The following RET variants were observed in gnomAD, a reference collection of about 807,000 sequenced individuals.
RET encodes proto-oncogene tyrosine-protein kinase receptor Ret.
A neutral mutation model predicts 118.3 loss-of-function variants in RET; 19 were observed. That is an observed-to-expected ratio of 0.16 (90% CI 0.11 to 0.24). The LOEUF is 0.24. Ranked by LOEUF, RET falls within the 10% of genes least tolerant of loss-of-function variation. The pLI, the probability that RET is intolerant of heterozygous loss-of-function variation, is 1.00. For missense variants in RET, 1,219 were observed against 1,502.1 expected, an observed-to-expected ratio of 0.81 and a Z score of 3.12; for synonymous variants, 597 against 644.1, an observed-to-expected ratio of 0.93 and a Z score of 1.11.
chr10:43,097,999 A>C (rs1242492164), intron 1 of RET, among the ~76,000 whole-genome samples: 1 of 152,024 alleles, frequency 6.6e-6, no homozygotes, highest in Non-Finnish European at 1.5e-5. Flanking sequence ...TCTAGAGTCT[A>C]TTTGCAGGTT....
In RET at chr10:43,078,979, C is replaced by T. The variant is rs1258114039; in HGVS notation, c.73+1648C>T. Among the ~76,000 whole-genome samples the T allele has an allele frequency of 2.0e-5, 3 of 152,312 alleles. No individual in the cohort carries two copies. In the East Asian group the frequency reaches 5.8e-4, roughly 29 times the overall value. ...TTGAAGAGGCTGCAGAGCTCTTTCC[C>T]AGGAGCCACAGCTCCGGAGGTTCGA... is the stretch of plus-strand genomic sequence containing the variant. On this transcript the variant is annotated intron_variant, in intron 1 of 19. Coordinates refer to ENST00000355710, the MANE Select transcript of RET (RefSeq NM_020975.6).
At chr10:43,083,273 C>T (rs376828093) in intron 1 of RET, among the ~76,000 whole-genome samples, 10 of 152,320 alleles carry the variant, frequency 6.6e-5, no homozygotes, top group Admixed American at 3.9e-4. Context: ...CTTGAAAACT[C>T]GTGACCCGGG....
chr10:43,118,557 T>G, intron 13 of RET, 77 bp downstream of exon 13: 1 of 1,071,316 alleles, frequency 9.3e-7, no homozygotes, highest in Non-Finnish European at 1.4e-6. Context: ...TTCTCCCTCT[T>G]TCTCCCTTTC....
intron 11 of RET, among the ~76,000 whole-genome samples, chr10:43,116,272 C>T (rs1396088715): frequency 6.6e-6 from 1 of 152,214 alleles, no homozygotes; most frequent in African/African-American, 2.4e-5. Flanking sequence ...AGGTCCTGGG[C>T]TGGGCCTGGT....
At chr10:43,084,630 C>A (rs901798637) in intron 1 of RET, among the ~76,000 whole-genome samples, 1 of 152,206 alleles carries the variant, frequency 6.6e-6, no homozygotes, top group South Asian at 2.1e-4. Context: ...TATCCAGGGC[C>A]GTCACTGTCA....
intron 1 of RET, among the ~76,000 whole-genome samples, chr10:43,087,172 A>G (rs780682742): frequency 1.3e-5 from 2 of 152,190 alleles, no homozygotes; most frequent in Non-Finnish European, 2.9e-5. Context: ...AAGGAGGGCC[A>G]TGTTCGTGCG....
intron 5 of RET, among the ~76,000 whole-genome samples, chr10:43,108,048 T>C (rs1837824764): frequency 6.6e-6 from 1 of 151,996 alleles, no homozygotes; most frequent in Non-Finnish European, 1.5e-5. Context: ...AAAAGGTTTT[T>C]AACAAGATTT....
In RET at chr10:43,111,104, T is replaced by C. The variant is rs9282836; in HGVS notation, c.1264-103T>C. 178 of 1,541,978 alleles carry C rather than the reference T, an allele frequency of 1.2e-4. 3 individuals are homozygous for C. The South Asian group carries it at 1.8e-3, about 16-fold the overall frequency. On this transcript the variant is annotated intron_variant, in intron 6 of 19. Coordinates refer to ENST00000355710, the MANE Select transcript of RET (RefSeq NM_020975.6). ...GGGGGGCTGCTGTCTCCAGGCCCAG[T>C]TGGGGGCTGTTCCAGGACTTAGGCT... is the stretch of plus-strand genomic sequence containing the variant.
Position 43,119,592 on chromosome 10 carries a change from G to T in RET, c.2454G>T (p.Glu818Asp). The T allele has an allele frequency of 6.2e-7, 1 of 1,612,206 alleles. No homozygotes were observed. Among genetic ancestry groups the T allele is most frequent in the Non-Finnish European group, 8.5e-7 (1 of 1,179,882 alleles). The change falls in exon 14 of 20, where the codon GAG becomes GAT. Residue 818 changes from glutamate (E) to aspartate (D), a missense_variant. Physicochemically the swap from Glu to Asp is conservative, Grantham distance 45 (BLOSUM62 2). Transcript: ENST00000355710. Reference sequence around the variant, plus strand: ...GCTCCCTGCGGGGCTTCCTCCGCGAGAGCCGCAAAGTGGGGCCTGGCTACC... The same window carrying T: ...GCTCCCTGCGGGGCTTCCTCCGCGATAGCCGCAAAGTGGGGCCTGGCTACC... Reference protein sequence around the residue: ...KYGSLRGFLRESRKVGPGYLG... With the variant: ...KYGSLRGFLRDSRKVGPGYLG...
chr10:43,106,550 C>A lies in RET; in HGVS notation c.1042C>A (p.Arg348=). ...GGTCCAGGCCAACGGCAGCTTCGTGCGGGCGACCGTACATGACTATAGTAA... is the reference window on the plus strand; with the variant it reads ...GGTCCAGGCCAACGGCAGCTTCGTGAGGGCGACCGTACATGACTATAGTAA... ...TSVQANGSFV[R]ATVHDYRLVL... Residue 348 remains arginine (R), a synonymous_variant, in exon 5 of 20, where the codon CGG becomes AGG. Transcript: ENST00000355710. The surrounding 1 kb of genome is among the most constrained non-coding windows in gnomAD (Gnocchi z 5.1). The A allele has an allele frequency of 6.2e-7, 1 of 1,613,542 alleles. No individual in the cohort carries two copies. Among genetic ancestry groups the A allele is most frequent in the Non-Finnish European group, 8.5e-7 (1 of 1,179,724 alleles).
In RET at chr10:43,122,035, C is replaced by A; in HGVS notation, c.2801+19C>A. ...GTGATGTGTAAGTGTGGGTGTTGCT[C>A]TCTTGGGGTGGAGGTTACAGAAACA... On this transcript the variant is annotated intron_variant, in intron 16 of 19. Transcript: ENST00000355710. The A allele has an allele frequency of 1.9e-6, 3 of 1,602,706 alleles. No individual in the cohort carries two copies. Among genetic ancestry groups the A allele is most frequent in the Non-Finnish European group, 2.6e-6 (3 of 1,169,646 alleles).
intron 1 of RET, among the ~76,000 whole-genome samples, chr10:43,093,045 T>C (rs1313416853): frequency 6.6e-6 from 1 of 152,198 alleles, no homozygotes; most frequent in Non-Finnish European, 1.5e-5. Context: ...GATTCATTCA[T>C]TGGTTCATAA....
intron 19 of RET, chr10:43,127,215 C>T: frequency 9.2e-7 from 1 of 1,081,908 alleles, no homozygotes; most frequent in Non-Finnish European, 1.1e-6. Context: ...CCGGCACTGG[C>T]GAGCAGCCAC....
At chr10:43,102,188 G>A in intron 2 of RET, 154 bp from the exon 3 acceptor site, 1 of 867,468 alleles carries the variant, frequency 1.2e-6, no homozygotes. Context: ...CAGAGGTAAG[G>A]AGGTGGCAGG....
intron 3 of RET, 147 bp downstream of exon 3, chr10:43,102,776 C>A: frequency 2.1e-6 from 2 of 943,422 alleles, no homozygotes; most frequent in Non-Finnish European, 3.3e-6. Flanking sequence ...TGCATGCCTG[C>A]CAGGGGCCAG....
intron 13 of RET, 100 bp from the exon 14 acceptor site, chr10:43,119,431 G>C (rs565473810): frequency 3.2e-6 from 3 of 938,446 alleles, no homozygotes; most frequent in Non-Finnish European, 4.9e-6. Flanking sequence ...TTACTCATTG[G>C]GTGGCCGGGC....
rs867808637 is a variant in RET, at chr10:43,112,017, G to A, written c.1523-82G>A. Reference sequence around the variant, plus strand: ...GCTCCATCCGTGGGCAGCTCAGCTGGTGCTGTTCCCTGTCCTTGGGCACTA... The same window carrying A: ...GCTCCATCCGTGGGCAGCTCAGCTGATGCTGTTCCCTGTCCTTGGGCACTA... On this transcript the variant is annotated intron_variant, in intron 7 of 19. Coordinates refer to ENST00000355710, the MANE Select transcript of RET (RefSeq NM_020975.6). 13 of 1,537,662 alleles carry A rather than the reference G, an allele frequency of 8.5e-6. No individual in the cohort carries two copies. In the Middle Eastern group the frequency reaches 5.8e-4, roughly 69 times the overall value.
intron 16 of RET, 55 bp from the exon 17 acceptor site, chr10:43,123,616 G>A (rs898010051): frequency 1.2e-6 from 2 of 1,612,674 alleles, no homozygotes; most frequent in African/African-American, 2.7e-5. Flanking sequence ...GGGCCCCCCG[G>A]AGGGCTCTGT....
At chr10:43,081,004 T>C (rs1394538372) in intron 1 of RET, among the ~76,000 whole-genome samples, 1 of 152,128 alleles carries the variant, frequency 6.6e-6, no homozygotes, top group African/African-American at 2.4e-5. Context: ...ACAGCTGTGT[T>C]TCCTCATGCA....
Sources: allele counts gnomAD v4.1 joint callset (sites outside exome capture counted in the v4.1 genomes callset), GRCh38; gene constraint gnomAD v4.1.1; non-coding constraint Gnocchi (gnomAD v3.1); transcripts MANE v1.5; gene names NCBI Gene and HGNC (gene_info 2026-07-23, HGNC 2026-07-21).